Variants in KLK15 observed in about 807,000 individuals in gnomAD.
KLK15 encodes kallikrein-15.
Under a neutral mutation model 21.1 loss-of-function variants are expected in KLK15, and 19 were observed. That is an observed-to-expected ratio of 0.90 (90% confidence interval 0.63 to 1.32). KLK15 has a LOEUF of 1.32. Among genes scored for constraint, KLK15 ranks in the 40% most tolerant of loss-of-function variants. KLK15 has a pLI of 0.00. For synonymous variants in KLK15, 141 were observed against 141.5 expected, an observed-to-expected ratio of 1.00 and a Z score of 0.03; for missense variants, 345 against 348.6, an observed-to-expected ratio of 0.99 and a Z score of 0.08.
At chr19:50,828,371 T>C (rs1424399807) in intron 1 of KLK15, among the ~76,000 whole-genome samples, 1 of 151,346 alleles carries the variant, frequency 6.6e-6, no homozygotes, top group African/African-American at 2.4e-5. Context: ...TCCTCTGTGG[T>C]TGGGGGTGGA....
rs1258059522 is a variant in KLK15, at chr19:50,827,255, G to A, written c.198-94C>T. ...AAGATCAAAGAGTGGGCAACCCGAG[G>A]TCTCCCGACCCTTTAGAAATCTCGA... is the stretch of plus-strand genomic sequence containing the variant. On this transcript the variant is annotated intron_variant, in intron 2 of 4. Coordinates refer to ENST00000598239, the Ensembl canonical transcript of KLK15. The A allele has an allele frequency of 4.1e-6, 5 of 1,209,032 alleles. 1 individual carries two copies. Among genetic ancestry groups the A allele is most frequent in the Non-Finnish European group, 3.4e-6 (3 of 870,864 alleles). The allele number at this position is 1,209,032 out of a possible 1,614,324, so 74.9% of individuals were successfully genotyped here. A position where few individuals can be genotyped will look rare whatever the true frequency, so the allele number is the denominator to read the frequency against.
At position 50,831,117 on chromosome 19, in the gene KLK15, G is replaced by A. The variant is rs368733418; in HGVS notation, c.43+333C>T. The A allele has an allele frequency of 6.8e-4, 161 of 236,010 alleles. 1 individual carries two copies. The highest frequency in any genetic ancestry group is 4.9e-3 in the East Asian group (62 of 12,694). 14.6% of individuals were successfully genotyped at this position (236,010 alleles called of 1,614,324 possible). On this transcript the variant is annotated intron_variant, in intron 1 of 4. Coordinates refer to ENST00000598239, the Ensembl canonical transcript of KLK15. Reference sequence around the variant, plus strand: ...TCTCAAGTGGGTGCTGTCTTATAGAGAAGGCATTCGAAGCCCAGAGAGGTG... The same window carrying A: ...TCTCAAGTGGGTGCTGTCTTATAGAAAAGGCATTCGAAGCCCAGAGAGGTG...
chr19:50,831,733 A>G (rs186870167), upstream of KLK15, among the ~76,000 whole-genome samples: 14 of 149,246 alleles, frequency 9.4e-5, no homozygotes, highest in Non-Finnish European at 2.1e-4. Flanking sequence ...ACCCTGCCCC[A>G]CCTCCTCCAC....
At chr19:50,832,837 C>A (rs1187658595), upstream of KLK15, among the ~76,000 whole-genome samples, 1 of 152,208 alleles carries the variant, frequency 6.6e-6, no homozygotes, top group Non-Finnish European at 1.5e-5. Context: ...GTGGTGTCTG[C>A]CTCCCCTACG....
upstream of KLK15, among the ~76,000 whole-genome samples, chr19:50,831,682 C>G (rs1347550539): frequency 6.6e-6 from 1 of 152,170 alleles, no homozygotes; most frequent in Non-Finnish European, 1.5e-5. Context: ...CTGGGTCCCC[C>G]ATCTCTGGAA....
chr19:50,831,742 A>C (rs1599959497), upstream of KLK15, among the ~76,000 whole-genome samples: 1 of 148,982 alleles, frequency 6.7e-6, no homozygotes, highest in African/African-American at 2.5e-5. Context: ...CACCTCCTCC[A>C]CCTGTCAGCC....
chr19:50,825,454 T>C (rs2089864219), downstream of KLK15: 3 of 182,118 alleles, frequency 1.6e-5, no homozygotes, highest in East Asian at 4.4e-4. Context: ...TCATGTGTGT[T>C]GAATGAATGG....
downstream of KLK15, chr19:50,825,437 C>T (rs1037915954): frequency 2.9e-5 from 5 of 171,116 alleles, no homozygotes; most frequent in African/African-American, 7.1e-5. Context: ...CAAGATCACA[C>T]GGGTGGTCAT....
At chr19:50,826,370 C>T (rs1024385729) in intron 4 of KLK15, 12 of 486,550 alleles carry the variant, frequency 2.5e-5, no homozygotes, top group African/African-American at 5.9e-5. Flanking sequence ...TCAAACCAAA[C>T]CATTCCCATT....
chr19:50,833,377 G>A (rs1160798808), upstream of KLK15, among the ~76,000 whole-genome samples: 1 of 152,180 alleles, frequency 6.6e-6, no homozygotes, highest in Non-Finnish European at 1.5e-5. Context: ...TCTTGGTTCA[G>A]GTTCAATTTG....
At chr19:50,828,884 G>T (rs1261119885) in intron 1 of KLK15, among the ~76,000 whole-genome samples, 1 of 145,504 alleles carries the variant, frequency 6.9e-6, no homozygotes, top group Admixed American at 7.3e-5. Context: ...CAGGAAAATC[G>T]CTTGAACCCG....
exon 5 of KLK15, chr19:50,825,925 G>A (rs2089871956): frequency 6.2e-7 from 1 of 1,613,572 alleles, no homozygotes; most frequent in Admixed American, 1.7e-5. Flanking sequence ...TGCCCCCACA[G>A]ACCAGGGGTC....
upstream of KLK15, chr19:50,831,653 C>T: frequency 4.1e-6 from 2 of 484,842 alleles, no homozygotes; most frequent in Non-Finnish European, 7.0e-6. Flanking sequence ...CTTCCCCCAA[C>T]CCCACTCTGC....
upstream of KLK15, chr19:50,832,953 T>C (rs1305129634): frequency 1.3e-5 from 2 of 152,258 alleles, no homozygotes; most frequent in Non-Finnish European, 2.9e-5. Context: ...TGAATTGAAA[T>C]CCTTCTTCCC....
intron 4 of KLK15, 111 bp from the exon 6 acceptor site, chr19:50,826,059 A>T: frequency 1.8e-6 from 2 of 1,117,286 alleles, no homozygotes; most frequent in Non-Finnish European, 2.5e-6. Context: ...ATCCCAGGGA[A>T]CCCCAACCCA....
At chr19:50,827,060 G>A (rs754657461) in exon 3 of KLK15, 2 of 1,606,080 alleles carry the variant, frequency 1.2e-6, no homozygotes, top group South Asian at 1.1e-5. Context: ...GTGGCTGCGC[G>A]CTTCGTAGCG....
At chr19:50,827,248 A>C (rs2089901735) in intron 2 of KLK15, 87 bp from the exon 4 acceptor site, 1 of 1,275,204 alleles carries the variant, frequency 7.8e-7, no homozygotes, top group Non-Finnish European at 1.1e-6. Flanking sequence ...AGAGTGGGCA[A>C]CCCGAGGTCT....
chr19:50,828,127 G>A (rs2089918381), intron 1 of KLK15, among the ~76,000 whole-genome samples: 4 of 151,310 alleles, frequency 2.6e-5, no homozygotes, highest in South Asian at 2.1e-4. Context: ...TGTATTTTTA[G>A]TAGAGACGAG....
upstream of KLK15, among the ~76,000 whole-genome samples, chr19:50,832,322 C>CTTT (rs773163899): frequency 0.024 from 2,659 of 109,268 alleles, 148 homozygotes; most frequent in African/African-American, 0.07. Context: ...CTTTTTTTTT[C>CTTT]TTTTTTTTTT....
Sources: allele counts gnomAD v4.1 joint callset (sites outside exome capture counted in the v4.1 genomes callset), GRCh38; gene constraint gnomAD v4.1.1; transcripts MANE v1.5; gene names NCBI Gene and HGNC (gene_info 2026-07-23, HGNC 2026-07-21).